Variants in LRRTM4 observed in about 807,000 individuals in gnomAD.
The protein encoded by LRRTM4 is leucine-rich repeat transmembrane neuronal protein 4.
A neutral mutation model predicts 47.6 loss-of-function variants in LRRTM4; 25 were observed. The observed-to-expected ratio is 0.53, with a 90% CI of 0.38 to 0.73. The LOEUF is 0.73. Among genes scored for constraint, LRRTM4 ranks in the 30% least tolerant of loss-of-function variants. The pLI is 0.00. For missense variants in LRRTM4, 638 were observed against 713.4 expected (o/e 0.89, Z 1.20); for synonymous variants, 311 against 269.5 (o/e 1.15, Z -1.51).
intron 3 of LRRTM4, among the ~76,000 whole-genome samples, chr2:77,130,962 G>C (rs1283663137): frequency 7.6e-6 from 1 of 131,538 alleles, no homozygotes; most frequent in East Asian, 2.5e-4. Flanking sequence ...AGCCTCCCAA[G>C]TAGCTGGGAC....
intron 3 of LRRTM4, among the ~76,000 whole-genome samples, chr2:76,902,074 G>A (rs1673656031): frequency 6.6e-6 from 1 of 152,036 alleles, no homozygotes; most frequent in African/African-American, 2.4e-5. Context: ...ACTTCCTCTG[G>A]CTAAGGAATA....
chr2:77,312,335 T>C (rs779193248), intron 3 of LRRTM4, among the ~76,000 whole-genome samples: 2 of 152,190 alleles, frequency 1.3e-5, no homozygotes, highest in Non-Finnish European at 2.9e-5. Context: ...GACTGAAAAA[T>C]GCTGCTATTG....
chr2:76,818,918 G>A (rs1670975935), intron 3 of LRRTM4, among the ~76,000 whole-genome samples: 1 of 151,700 alleles, frequency 6.6e-6, no homozygotes, highest in East Asian at 1.9e-4. Context: ...AGTTTTACTA[G>A]TAAAGTCAGT....
intron 3 of LRRTM4, among the ~76,000 whole-genome samples, chr2:76,931,252 G>A (rs13007111): frequency 0.12 from 18,378 of 152,078 alleles, 1,369 homozygotes; most frequent in Non-Finnish European, 0.16. Flanking sequence ...AAACAGAAGT[G>A]ATTATTTACA....
chr2:77,027,426 G>T (rs1450253658), intron 3 of LRRTM4, among the ~76,000 whole-genome samples: 2 of 152,154 alleles, frequency 1.3e-5, no homozygotes, highest in Non-Finnish European at 2.9e-5. Context: ...GCATGCTTCA[G>T]TGATTAAAAG....
intron 3 of LRRTM4, among the ~76,000 whole-genome samples, chr2:77,461,503 C>A (rs1191231959): frequency 6.6e-6 from 1 of 152,046 alleles, no homozygotes; most frequent in African/African-American, 2.4e-5. Context: ...ATACCCATTC[C>A]CTACCTCTAA....
chr2:77,423,280 T>A (rs1674974734), intron 3 of LRRTM4, among the ~76,000 whole-genome samples: 1 of 152,162 alleles, frequency 6.6e-6, no homozygotes, highest in African/African-American at 2.4e-5. Flanking sequence ...ACCAAGCTCA[T>A]TTATTTTAGG....
intron 3 of LRRTM4, among the ~76,000 whole-genome samples, chr2:76,786,320 A>G (rs954947849): frequency 1.3e-5 from 2 of 152,112 alleles, no homozygotes; most frequent in African/African-American, 2.4e-5. Flanking sequence ...AATATTTATA[A>G]CAGATAGAAC....
intron 3 of LRRTM4, among the ~76,000 whole-genome samples, chr2:77,021,147 T>C (rs1056636765): frequency 6.6e-6 from 1 of 151,386 alleles, no homozygotes. Context: ...TATCTATCTA[T>C]TGCCTTATCT....
intron 3 of LRRTM4, among the ~76,000 whole-genome samples, chr2:76,961,533 C>T (rs1056765720): frequency 6.6e-6 from 1 of 151,278 alleles, no homozygotes; most frequent in Non-Finnish European, 1.5e-5. Context: ...AACCATTAGC[C>T]AGAATGGTGA....
At chr2:77,168,948 T>C (rs1462268543) in intron 3 of LRRTM4, among the ~76,000 whole-genome samples, 1 of 152,160 alleles carries the variant, frequency 6.6e-6, no homozygotes, top group Non-Finnish European at 1.5e-5. Flanking sequence ...ATATATGATA[T>C]ATCCTATCAA....
chr2:76,983,134 A>T (rs1203840875), intron 3 of LRRTM4, among the ~76,000 whole-genome samples: 1 of 152,036 alleles, frequency 6.6e-6, no homozygotes, highest in African/African-American at 2.4e-5. Flanking sequence ...GGTAAAGACC[A>T]CTCATTTTTG....
At chr2:77,083,870 T>A (rs1680619351) in intron 3 of LRRTM4, among the ~76,000 whole-genome samples, 2 of 139,378 alleles carry the variant, frequency 1.4e-5, no homozygotes, top group South Asian at 2.4e-4. Context: ...AATGGTGAGA[T>A]CTGGGCTCAC....
intron 3 of LRRTM4, among the ~76,000 whole-genome samples, chr2:76,856,234 G>A (rs886852549): frequency 1.2e-4 from 19 of 152,086 alleles, no homozygotes; most frequent in Non-Finnish European, 2.4e-4. Context: ...CCAAGATTGC[G>A]CCTTTGCACT....
chr2:77,299,337 A>C (rs1039437349), intron 3 of LRRTM4, among the ~76,000 whole-genome samples: 1 of 151,010 alleles, frequency 6.6e-6, no homozygotes. Flanking sequence ...GTATATATGT[A>C]TATACGTATA....
At chr2:77,327,627 G>A (rs1670826046) in intron 3 of LRRTM4, among the ~76,000 whole-genome samples, 1 of 152,126 alleles carries the variant, frequency 6.6e-6, no homozygotes, top group Non-Finnish European at 1.5e-5. Flanking sequence ...TGTAATTACA[G>A]GATTTGAGAC....
chr2:76,829,286 G>A lies in LRRTM4; in HGVS notation c.1552-80370C>T, dbSNP rs192079887. Among the ~76,000 whole-genome samples, 5 of 152,032 alleles carry A rather than the reference G, an allele frequency of 3.3e-5. No homozygotes were observed. In the East Asian group the frequency reaches 5.8e-4, roughly 18 times the overall value. ...GGGTGTCCATACACATGTGTATAAG[G>A]CTCCTCGAGTGCAGGAAGAACTAGA... On this transcript the variant is annotated intron_variant, in intron 3 of 3. Transcript: ENST00000409884.
intron 3 of LRRTM4, among the ~76,000 whole-genome samples, chr2:77,219,198 A>C (rs142116842): frequency 8.8e-4 from 134 of 152,298 alleles, no homozygotes; most frequent in African/African-American, 3.1e-3. Context: ...TTCAACTATA[A>C]ATTCTTCCAT....
At chr2:77,085,486 T>G (rs570318187) in intron 3 of LRRTM4, among the ~76,000 whole-genome samples, 7 of 151,796 alleles carry the variant, frequency 4.6e-5, no homozygotes, top group African/African-American at 1.7e-4. Flanking sequence ...ATTATTAAAA[T>G]TATTAAAGAT....
Sources: gnomAD v4.1 joint callset for allele counts (sites outside exome capture counted in the v4.1 genomes callset) on GRCh38, gnomAD v4.1.1 for gene constraint, MANE v1.5 for transcripts, NCBI Gene and HGNC (gene_info 2026-07-23, HGNC 2026-07-21) for gene names.